ITGA9: variants seen among roughly 807,000 people sequenced by gnomAD.
ITGA9 encodes integrin alpha-9.
Under a neutral mutation model 127.8 loss-of-function variants are expected in ITGA9, and 56 were observed. That is an observed-to-expected ratio of 0.44 (90% CI 0.35 to 0.55). The LOEUF (loss-of-function observed/expected upper bound fraction) is 0.55. ITGA9 is among the 20% of genes least tolerant of loss of function. ITGA9 has a pLI of 0.00. For missense variants in ITGA9, 1,196 were observed against 1,347.1 expected (o/e 0.89, Z 1.76); for synonymous variants, 508 against 514.5 (o/e 0.99, Z 0.17).
intron 22 of ITGA9, chr3:37,748,041 C>G (rs543065115): frequency 1.7e-5 from 6 of 346,614 alleles, no homozygotes; most frequent in South Asian, 1.5e-4. Flanking sequence ...AATTTTGGAA[C>G]ATTTCAATCA....
chr3:37,734,441 A>G (rs1258654033), intron 19 of ITGA9, among the ~76,000 whole-genome samples: 1 of 152,230 alleles, frequency 6.6e-6, no homozygotes, highest in African/African-American at 2.4e-5. Flanking sequence ...TATATCACAT[A>G]TCAGACCTAA....
At chr3:37,777,886 A>G (rs887043354) in intron 24 of ITGA9, among the ~76,000 whole-genome samples, 2 of 152,262 alleles carry the variant, frequency 1.3e-5, no homozygotes, top group African/African-American at 4.8e-5. Flanking sequence ...TCTACTCTTG[A>G]GTATATCCCC....
At chr3:37,815,383 C>T (rs1454065014) in intron 27 of ITGA9, among the ~76,000 whole-genome samples, 2 of 152,096 alleles carry the variant, frequency 1.3e-5, no homozygotes, top group Non-Finnish European at 1.5e-5. Flanking sequence ...CCAAGGCAGG[C>T]GGATCACTTG....
At chr3:37,653,985 GT>G (rs761216203) in intron 17 of ITGA9, among the ~76,000 whole-genome samples, 195 bp downstream of exon 17, 5 of 152,076 alleles carry the variant, frequency 3.3e-5, no homozygotes, top group East Asian at 1.9e-4. Flanking sequence ...GATTGTTTAG[GT>G]TTTTTTGTGT....
intron 15 of ITGA9, among the ~76,000 whole-genome samples, chr3:37,590,153 C>T (rs1307868468): frequency 6.6e-6 from 1 of 152,174 alleles, no homozygotes; most frequent in South Asian, 2.1e-4. Flanking sequence ...GTTCAGGACA[C>T]AGGCAGCCTG....
chr3:37,494,381 C>T, intron 4 of ITGA9, 120 bp from the exon 5 acceptor site: 1 of 747,112 alleles, frequency 1.3e-6, no homozygotes. Flanking sequence ...GGATGGCATC[C>T]CTGGGCCCAG....
chr3:37,793,385 G>T (rs1697134867), intron 26 of ITGA9, among the ~76,000 whole-genome samples: 1 of 126,788 alleles, frequency 7.9e-6, no homozygotes, highest in Admixed American at 8.5e-5. Context: ...GCCCCAAACA[G>T]GTCAACACAC....
intron 18 of ITGA9, among the ~76,000 whole-genome samples, chr3:37,712,341 G>A (rs1431676215): frequency 3.1e-5 from 3 of 96,986 alleles, no homozygotes; most frequent in African/African-American, 4.3e-5. Flanking sequence ...TGGAGCCATG[G>A]TGGCTGGTTG....
intron 15 of ITGA9, among the ~76,000 whole-genome samples, chr3:37,624,253 T>C (rs548822390): frequency 7.0e-6 from 1 of 143,160 alleles, no homozygotes; most frequent in African/African-American, 2.7e-5. Flanking sequence ...TAGGTAGGCT[T>C]CTAGGTCAGG....
chr3:37,743,538 A>C (rs775908840), intron 21 of ITGA9, among the ~76,000 whole-genome samples: 1 of 152,250 alleles, frequency 6.6e-6, no homozygotes, highest in African/African-American at 2.4e-5. Flanking sequence ...TAGGATGCCA[A>C]ATACATAACT....
chr3:37,744,854 G>A (rs1255363294), intron 22 of ITGA9, among the ~76,000 whole-genome samples: 3 of 152,224 alleles, frequency 2.0e-5, no homozygotes, highest in African/African-American at 4.8e-5. Flanking sequence ...GTAGGCCCAA[G>A]CGAGAAAGGA....
At chr3:37,594,985 A>T (rs187063080) in intron 15 of ITGA9, among the ~76,000 whole-genome samples, 1 of 152,296 alleles carries the variant, frequency 6.6e-6, no homozygotes, top group East Asian at 1.9e-4. Context: ...CTTGTTGAAG[A>T]GTGAGTAGAA....
chr3:37,710,445 G>T (rs6778164), intron 18 of ITGA9, among the ~76,000 whole-genome samples: 1 of 151,978 alleles, frequency 6.6e-6, no homozygotes, highest in Admixed American at 6.6e-5. Context: ...AGATAACGTC[G>T]GAGGATGAAC....
At chr3:37,796,236 C>T (rs775130155) in intron 26 of ITGA9, among the ~76,000 whole-genome samples, 24 of 151,982 alleles carry the variant, frequency 1.6e-4, no homozygotes, top group Admixed American at 7.2e-4. Flanking sequence ...TCAAATGGCT[C>T]CTCAGGGAAC....
intron 26 of ITGA9, 27 bp downstream of exon 26, chr3:37,785,105 TC>T: frequency 6.7e-7 from 1 of 1,498,704 alleles, no homozygotes; most frequent in Non-Finnish European, 9.3e-7. Flanking sequence ...AGGACAGCCC[TC>T]CTCAGAGGGC....
chr3:37,683,724 G>A (rs1700754785), intron 17 of ITGA9, 141 bp from the exon 18 acceptor site: 2 of 820,490 alleles, frequency 2.4e-6, no homozygotes, highest in East Asian at 5.3e-5. Context: ...ATTGCCCAAG[G>A]ACACATGGCT....
At chr3:37,511,985 TTTC>T (rs1318690469) in intron 8 of ITGA9, among the ~76,000 whole-genome samples, 27 of 21,624 alleles carry the variant, frequency 1.2e-3, no homozygotes, top group Non-Finnish European at 3.6e-3. Context: ...TTTCTTTTCT[TTTC>T]TTTTCTTTTC....
intron 26 of ITGA9, among the ~76,000 whole-genome samples, chr3:37,789,470 A>G (rs1251426819): frequency 1.3e-5 from 2 of 152,130 alleles, no homozygotes; most frequent in African/African-American, 2.4e-5. Context: ...TATTAAGAGT[A>G]TGCGCTCAGC....
intron 1 of ITGA9, among the ~76,000 whole-genome samples, chr3:37,453,126 C>CT (rs1465051341): frequency 6.6e-6 from 1 of 151,172 alleles, no homozygotes; most frequent in Non-Finnish European, 1.5e-5. Context: ...CCCCCCCCCC[C>CT]CCCCAGCTCC....
Sources: gnomAD v4.1 joint callset for allele counts (sites outside exome capture counted in the v4.1 genomes callset) on GRCh38, gnomAD v4.1.1 for gene constraint, MANE v1.5 for transcripts, NCBI Gene and HGNC (gene_info 2026-07-23, HGNC 2026-07-21) for gene names.